Variants in TENM3 observed in about 807,000 individuals in gnomAD.
TENM3 encodes teneurin transmembrane protein 3, also known as teneurin-3.
TENM3 carries 63 observed loss-of-function variants against 255.1 expected under a neutral mutation model. The observed-to-expected ratio is 0.25, with a 90% CI of 0.20 to 0.30. TENM3 has a LOEUF of 0.30. Among genes scored for constraint, TENM3 ranks in the 10% least tolerant of loss-of-function variants. The pLI is 1.00. For synonymous variants in TENM3, 1,306 were observed against 1,322.3 expected (o/e 0.99, Z 0.27); for missense variants, 2,929 against 3,461.1 (o/e 0.85, Z 3.86).
chr4:182,439,654 G>C (rs1039212286), intron 3 of TENM3, among the ~76,000 whole-genome samples: 1 of 152,036 alleles, frequency 6.6e-6, no homozygotes, highest in African/African-American at 2.4e-5. Flanking sequence ...CCATCCACTT[G>C]GTTTTCAATA....
At chr4:182,667,667 C>A (rs1055175642) in intron 6 of TENM3, among the ~76,000 whole-genome samples, 3 of 152,122 alleles carry the variant, frequency 2.0e-5, no homozygotes, top group Non-Finnish European at 2.9e-5. Flanking sequence ...CATTACATTT[C>A]ATGTTTCTTA....
the TENM3 span, among the ~76,000 whole-genome samples, chr4:181,958,804 C>T: frequency 1.3e-5 from 2 of 152,130 alleles, no homozygotes. Context: ...ATCATATTCT[C>T]AGAATCTAGC....
chr4:181,749,552 G>A, the TENM3 span, among the ~76,000 whole-genome samples: 1 of 152,130 alleles, frequency 6.6e-6, no homozygotes, highest in African/African-American at 2.4e-5. Flanking sequence ...CTGTAATAAA[G>A]AGAAAGTCTC....
At chr4:182,585,284 A>G (rs1234524673) in intron 3 of TENM3, among the ~76,000 whole-genome samples, 1 of 152,158 alleles carries the variant, frequency 6.6e-6, no homozygotes, top group Non-Finnish European at 1.5e-5. Context: ...TAAGTTTGGG[A>G]CAGGGAGCTT....
intron 1 of TENM3, among the ~76,000 whole-genome samples, chr4:182,225,519 G>C (rs1324513707): frequency 1.3e-5 from 2 of 152,160 alleles, no homozygotes; most frequent in African/African-American, 2.4e-5. Flanking sequence ...TAGGAAACTG[G>C]GGTTGTGGCA....
At chr4:182,074,053 C>T in the TENM3 span, among the ~76,000 whole-genome samples, 1 of 152,092 alleles carries the variant, frequency 6.6e-6, no homozygotes, top group Admixed American at 6.6e-5. Context: ...GCATTTTAAC[C>T]AATAATATAA....
chr4:181,695,608 A>G, the TENM3 span, among the ~76,000 whole-genome samples: 4 of 152,132 alleles, frequency 2.6e-5, no homozygotes, highest in African/African-American at 9.7e-5. Context: ...TTCCCAAACT[A>G]ATGCTGAAGA....
At chr4:182,779,148 C>T (rs1485435770) in intron 24 of TENM3, among the ~76,000 whole-genome samples, 1 of 150,664 alleles carries the variant, frequency 6.6e-6, no homozygotes, top group Non-Finnish European at 1.5e-5. Context: ...TGCTGGTACA[C>T]TGCACCCACT....
intron 3 of TENM3, among the ~76,000 whole-genome samples, chr4:182,432,796 G>C (rs1295022856): frequency 1.4e-5 from 2 of 139,508 alleles, no homozygotes; most frequent in East Asian, 4.2e-4. Flanking sequence ...TTATCCCAAT[G>C]GCACTGGGGG....
At chr4:182,267,073 A>G (rs530389100) in intron 1 of TENM3, among the ~76,000 whole-genome samples, 54 of 152,302 alleles carry the variant, frequency 3.5e-4, no homozygotes, top group African/African-American at 1.3e-3. Context: ...TAGAAAACTA[A>G]AATGTTCATA....
intron 24 of TENM3, among the ~76,000 whole-genome samples, chr4:182,783,055 A>G (rs1443655125): frequency 1.0e-3 from 149 of 149,384 alleles, no homozygotes; most frequent in Middle Eastern, 3.6e-3. Context: ...GTCCATTTAC[A>G]TTTAAAGTTA....
At chr4:182,563,671 A>C (rs192449203) in intron 3 of TENM3, among the ~76,000 whole-genome samples, 1 of 152,200 alleles carries the variant, frequency 6.6e-6, no homozygotes, top group Non-Finnish European at 1.5e-5. Context: ...CAGATGAATA[A>C]ATGAAGTCAT....
intron 1 of TENM3, among the ~76,000 whole-genome samples, chr4:182,206,786 A>C (rs1754610433): frequency 6.6e-6 from 1 of 152,332 alleles, no homozygotes; most frequent in Admixed American, 6.5e-5. Context: ...AATTAGCAGA[A>C]GTTACTGAGT....
intron 5 of TENM3, among the ~76,000 whole-genome samples, chr4:182,636,256 C>G (rs968986958): frequency 6.6e-6 from 1 of 152,100 alleles, no homozygotes; most frequent in Non-Finnish European, 1.5e-5. Flanking sequence ...AATTTAGAAT[C>G]AGTTTTTCAA....
intron 1 of TENM3, among the ~76,000 whole-genome samples, chr4:182,171,398 A>G (rs1752097880): frequency 6.6e-6 from 1 of 151,986 alleles, no homozygotes; most frequent in Non-Finnish European, 1.5e-5. Flanking sequence ...TTTTTCTTGT[A>G]TGAGCCGAGT....
At chr4:182,373,087 G>A (rs1357450836) in intron 3 of TENM3, among the ~76,000 whole-genome samples, 1 of 152,096 alleles carries the variant, frequency 6.6e-6, no homozygotes, top group Non-Finnish European at 1.5e-5. Flanking sequence ...TGAGTGTCCT[G>A]GCAATGGTAT....
At chr4:182,535,820 A>G (rs1740248018) in intron 3 of TENM3, among the ~76,000 whole-genome samples, 1 of 152,142 alleles carries the variant, frequency 6.6e-6, no homozygotes, top group South Asian at 2.1e-4. Context: ...ACATTATTAT[A>G]TGTTAATAAT....
In TENM3 at chr4:182,801,948, T is replaced by G. The variant is rs1173860494; in HGVS notation, c.*1597T>G. On this transcript the variant is annotated 3_prime_UTR_variant, in exon 28 of 28. Transcript: ENST00000511685. Reference sequence around the variant, plus strand: ...CAGCCACGAAAATATTTTTAGAAGATATTTCTCAGTTCATCGAGCTATAGT... The same window carrying G: ...CAGCCACGAAAATATTTTTAGAAGAGATTTCTCAGTTCATCGAGCTATAGT... 1 of 152,680 alleles carries G rather than the reference T, an allele frequency of 6.5e-6. No homozygotes were observed. Among genetic ancestry groups the G allele is most frequent in the South Asian group, 2.1e-4 (1 of 4,832 alleles). The allele number at this position is 152,680 out of a possible 1,614,324, so 9.5% of individuals were successfully genotyped here.
the TENM3 span, among the ~76,000 whole-genome samples, chr4:181,613,187 AC>A: frequency 6.6e-6 from 1 of 152,214 alleles, no homozygotes; most frequent in Non-Finnish European, 1.5e-5. Context: ...TGTGGAAAAC[AC>A]TGCTGCCTCT....
Sources: gnomAD v4.1 joint callset for allele counts (sites outside exome capture counted in the v4.1 genomes callset) on GRCh38, gnomAD v4.1.1 for gene constraint, MANE v1.5 for transcripts, NCBI Gene and HGNC (gene_info 2026-07-23, HGNC 2026-07-21) for gene names.